The following FYN variants were observed in gnomAD, a reference collection of about 807,000 sequenced individuals.
FYN encodes FYN proto-oncogene, Src family tyrosine kinase, also known as tyrosine-protein kinase Fyn.
In FYN, 10 loss-of-function variants were observed where a neutral mutation model predicts 70.2. That is an observed-to-expected ratio of 0.14 (90% CI 0.09 to 0.24). FYN has a LOEUF of 0.24. Among genes scored for constraint, FYN ranks in the 10% least tolerant of loss-of-function variants. FYN has a pLI of 1.00. For synonymous variants in FYN, 236 were observed against 248.6 expected (o/e 0.95, Z 0.48); for missense variants, 319 against 673.1 (o/e 0.47, Z 5.82).
Position 111,779,935 on chromosome 6 carries a change from A to G in FYN, c.-12+631T>C, listed in dbSNP as rs1771107637. 3.3e-5 allele frequency among the ~76,000 whole-genome samples: 5 copies of G among 152,328 alleles called. No homozygotes were observed. The South Asian group carries it at 1.0e-3, about 32-fold the overall frequency. ...TAGGTAACATGATAAGCCTCATTTT[A>G]CAGAAGAAGAAACAGGCTCAGAGAG... On this transcript the variant is annotated intron_variant, in intron 3 of 13. Coordinates refer to ENST00000354650, the MANE Select transcript of FYN (RefSeq NM_002037.5).
chr6:111,842,358 G>A (rs1048337905), intron 2 of FYN, among the ~76,000 whole-genome samples: 1 of 152,206 alleles, frequency 6.6e-6, no homozygotes, highest in African/African-American at 2.4e-5. Flanking sequence ...AAGCACCTGA[G>A]TCCTGCCCCT....
intron 12 of FYN, among the ~76,000 whole-genome samples, chr6:111,687,377 C>T (rs879816858): frequency 3.3e-5 from 5 of 152,060 alleles, no homozygotes; most frequent in Admixed American, 2.0e-4. Context: ...TACAAAGACC[C>T]GAATGTTCCT....
intron 2 of FYN, among the ~76,000 whole-genome samples, chr6:111,804,541 G>A (rs1050531801): frequency 6.6e-6 from 1 of 152,170 alleles, no homozygotes; most frequent in African/African-American, 2.4e-5. Context: ...TGAGTAGCTG[G>A]ATTTTGGAAA....
In FYN at chr6:111,672,760, C is replaced by T. The variant is rs372031726; in HGVS notation, c.1405+1739G>A. On this transcript the variant is annotated intron_variant, in intron 13 of 13. Coordinates refer to ENST00000354650, the MANE Select transcript of FYN (RefSeq NM_002037.5). ...TATGAGGGTCTTATTTGCACTATCT[C>T]CCCGATAGAGGAAAATGCCTGGCAC... Among the ~76,000 whole-genome samples, 267 of 152,122 alleles carry T rather than the reference C, an allele frequency of 1.8e-3. 1 individual carries two copies. The highest frequency in any genetic ancestry group is 6.0e-3 in the African/African-American group (251 of 41,562).
At position 111,873,144 on chromosome 6, in the gene FYN, C is replaced by A. The variant is rs1397521950; in HGVS notation, c.-299G>T. ...GCCCGGCGGCCGAATCCCTCCCTGG[C>A]GCGGGCGGCGGCCGCCGGGCGGTGC... On this transcript the variant is annotated 5_prime_UTR_variant, in exon 1 of 14. Transcript: ENST00000354650. 1 of 145,966 alleles carries A rather than the reference C, an allele frequency of 6.9e-6. No homozygotes were observed. The highest frequency in any genetic ancestry group is 1.5e-5 in the Non-Finnish European group (1 of 65,572). 9.0% of individuals were successfully genotyped at this position (145,966 alleles called of 1,614,324 possible). A position where few individuals can be genotyped will look rare whatever the true frequency, so the allele number is the denominator to read the frequency against.
chr6:111,730,787 T>C (rs557414771), intron 3 of FYN, among the ~76,000 whole-genome samples: 214 of 152,268 alleles, frequency 1.4e-3, no homozygotes, highest in Non-Finnish European at 2.4e-3. Flanking sequence ...GATGTTGATA[T>C]CCAATCAAGT....
chr6:111,746,138 C>A (rs949642108), intron 3 of FYN, among the ~76,000 whole-genome samples: 1 of 152,108 alleles, frequency 6.6e-6, no homozygotes, highest in Non-Finnish European at 1.5e-5. Context: ...TTTAGCAAGG[C>A]GTGTGGATTT....
chr6:111,766,229 C>T (rs980281399), intron 3 of FYN, among the ~76,000 whole-genome samples: 1 of 152,184 alleles, frequency 6.6e-6, no homozygotes, highest in African/African-American at 2.4e-5. Flanking sequence ...TTGCCCAAGA[C>T]CCCACAGCTG....
intron 2 of FYN, among the ~76,000 whole-genome samples, chr6:111,835,664 A>G (rs1562538931): frequency 6.6e-6 from 1 of 152,108 alleles, no homozygotes; most frequent in African/African-American, 2.4e-5. Flanking sequence ...CGTAAAAGAA[A>G]GTGGAGGGGA....
At chr6:111,852,616 A>T (rs138873975) in intron 1 of FYN, among the ~76,000 whole-genome samples, 56 of 152,342 alleles carry the variant, frequency 3.7e-4, no homozygotes, top group African/African-American at 1.1e-3. Flanking sequence ...CCAAGTACCA[A>T]CTGAAGGAAC....
Position 111,700,530 on chromosome 6 carries a change from C to T in FYN, c.698-262G>A, listed in dbSNP as rs113383200. Among the ~76,000 whole-genome samples, 272 of 152,288 alleles carry T rather than the reference C, an allele frequency of 1.8e-3. 2 individuals carry two copies. Among genetic ancestry groups the T allele is most frequent in the African/African-American group, 6.2e-3 (256 of 41,558 alleles). ...TTTTCATTGGAGGTAGAAGAGAGGA[C>T]GTTTTAAATTTAGACTACTCCATGA... On this transcript the variant is annotated intron_variant, in intron 8 of 13. Transcript: ENST00000354650.
chr6:111,767,791 C>T (rs925872616), intron 3 of FYN, among the ~76,000 whole-genome samples: 1 of 152,206 alleles, frequency 6.6e-6, no homozygotes, highest in Non-Finnish European at 1.5e-5. Context: ...CTAAAAGCAT[C>T]ACTTCTATTC....
At chr6:111,752,179 T>C (rs1423613176) in intron 3 of FYN, among the ~76,000 whole-genome samples, 1 of 152,196 alleles carries the variant, frequency 6.6e-6, no homozygotes, top group Non-Finnish European at 1.5e-5. Context: ...ATTAATTCTA[T>C]TAGTCCAACT....
rs369432944 is a variant in FYN, at chr6:111,680,647, G to A, written c.1274-6017C>T. On this transcript the variant is annotated intron_variant, in intron 12 of 13. Transcript: ENST00000354650. ...AGCATCGTGACATTTCAAGGCCCAT[G>A]GGTGTCTATCAGCAATTAGCAATTG... 9.8e-5 allele frequency among the ~76,000 whole-genome samples: 15 copies of A among 152,328 alleles called. 1 individual carries two copies. The South Asian group carries it at 3.1e-3, about 32-fold the overall frequency.
chr6:111,799,841 G>A (rs1771927651), intron 2 of FYN, among the ~76,000 whole-genome samples: 1 of 152,162 alleles, frequency 6.6e-6, no homozygotes, highest in African/African-American at 2.4e-5. Flanking sequence ...TGTTATGTGG[G>A]AGTCCCGCAC....
chr6:111,664,947 C>T (rs989135487), intron 13 of FYN, among the ~76,000 whole-genome samples: 4 of 152,206 alleles, frequency 2.6e-5, no homozygotes, highest in Non-Finnish European at 2.9e-5. Flanking sequence ...GGACCTGCAA[C>T]GGGCTGACCT....
rs71759856 is a variant in FYN at position 111,750,717 on chromosome 6, A to ATT, written c.-12+29847_-12+29848dup. Among the ~76,000 whole-genome samples, 1,069 of 130,720 alleles carry ATT rather than the reference A, an allele frequency of 8.2e-3. 15 individuals are homozygous for ATT. Among genetic ancestry groups the ATT allele is most frequent in the African/African-American group, 0.019 (662 of 35,150 alleles). The allele number at this position is 130,720 out of a possible 152,430, so 85.8% of individuals were successfully genotyped here. A position where few individuals can be genotyped will look rare whatever the true frequency, so the allele number is the denominator to read the frequency against. On this transcript the variant is annotated intron_variant, in intron 3 of 13. Coordinates refer to ENST00000354650, the MANE Select transcript of FYN (RefSeq NM_002037.5). Reference sequence around the variant, plus strand: ...GATTCATGCCAGTACAATTCATGTCATTTTTTTTTTTTTTTTTTTACTAAC... The same window carrying ATT: ...GATTCATGCCAGTACAATTCATGTCATTTTTTTTTTTTTTTTTTTTTACTAAC...
chr6:111,808,475 G>A (rs1772222152), intron 2 of FYN, among the ~76,000 whole-genome samples: 1 of 152,200 alleles, frequency 6.6e-6, no homozygotes, highest in Non-Finnish European at 1.5e-5. Context: ...TTTCAGGGCT[G>A]TAGCGAATCA....
intron 2 of FYN, among the ~76,000 whole-genome samples, chr6:111,835,944 A>G (rs1238478772): frequency 1.3e-5 from 2 of 152,208 alleles, no homozygotes; most frequent in Non-Finnish European, 2.9e-5. Context: ...AAGTAAGGAC[A>G]GGTTTCTGCA....
Sources: allele counts gnomAD v4.1 joint callset (sites outside exome capture counted in the v4.1 genomes callset), GRCh38; gene constraint gnomAD v4.1.1; transcripts MANE v1.5; gene names NCBI Gene and HGNC (gene_info 2026-07-23, HGNC 2026-07-21).